Variants in TLR2 observed in about 807,000 individuals in gnomAD.
The protein encoded by TLR2 is toll like receptor 2.
A neutral mutation model predicts 9.1 loss-of-function variants in TLR2; 7 were observed. The observed-to-expected ratio is 0.77, with a 90% CI of 0.44 to 1.44. The LOEUF is 1.44. Among genes scored for constraint, TLR2 ranks in the 40% most tolerant of loss-of-function variants. The pLI, the probability that TLR2 is intolerant of heterozygous loss-of-function variation, is 0.01. For synonymous variants in TLR2, 317 were observed against 344.6 expected, an observed-to-expected ratio of 0.92 and a Z score of 0.89; for missense variants, 812 against 904.6, an observed-to-expected ratio of 0.90 and a Z score of 1.31.
intron 2 of TLR2, among the ~76,000 whole-genome samples, chr4:153,697,692 C>A (rs1244889773): frequency 6.6e-6 from 1 of 151,998 alleles, no homozygotes; most frequent in Non-Finnish European, 1.5e-5. Context: ...GTTTTCTCTC[C>A]TGATAAAAAA....
At position 153,702,957 on chromosome 4, in the gene TLR2, T is replaced by C; in HGVS notation, c.50T>C (p.Leu17Pro). 6.2e-7 allele frequency: 1 copy of C among 1,613,354 alleles called. No homozygotes were observed. Among genetic ancestry groups the C allele is most frequent in the South Asian group, 1.1e-5 (1 of 90,930 alleles). The change falls in exon 3 of 3, where the codon CTC becomes CCC. Residue 17 changes from leucine to proline, a missense_variant. Coordinates refer to ENST00000642700, the MANE Select transcript of TLR2 (RefSeq NM_001318789.2). ...TGGGTCTTGGGGGTCATCATCAGCCTCTCCAAGGAAGAATCCTCCAATCAG... is the reference window on the plus strand; with the variant it reads ...TGGGTCTTGGGGGTCATCATCAGCCCCTCCAAGGAAGAATCCTCCAATCAG... ...MVWVLGVIIS[L>P]SKEESSNQAS...
chr4:153,690,234 A>G (rs1736015057), intron 2 of TLR2, among the ~76,000 whole-genome samples: 1 of 152,220 alleles, frequency 6.6e-6, no homozygotes, highest in South Asian at 2.1e-4. Context: ...AAAAATTTAA[A>G]GTCATTAATG....
Position 153,704,442 on chromosome 4 carries a change from C to G in TLR2, c.1535C>G (p.Thr512Ser), listed in dbSNP as rs757073562. ...LVLKISRNAI[T>S]TFSKEQLDSF... ...TTGAAAATCAGTAGGAATGCAATAACTACGTTTTCTAAGGAGCAACTTGAC... is the reference window on the plus strand; with the variant it reads ...TTGAAAATCAGTAGGAATGCAATAAGTACGTTTTCTAAGGAGCAACTTGAC... The change falls in exon 3 of 3, where the codon ACT becomes AGT. Residue 512 changes from threonine (T) to serine (S), a missense_variant. Thr to Ser is a moderately conservative substitution (Grantham distance 58, BLOSUM62 1). Transcript: ENST00000642700. 1.9e-6 allele frequency: 3 copies of G among 1,614,160 alleles called. No individual in the cohort carries two copies. Among genetic ancestry groups the G allele is most frequent in the Non-Finnish European group, 1.7e-6 (2 of 1,180,032 alleles).
At position 153,703,850 on chromosome 4, in the gene TLR2, C is replaced by G. The variant is rs373862755; in HGVS notation, c.943C>G (p.Arg315Gly). The G allele has an allele frequency of 1.2e-5, 20 of 1,613,954 alleles. No homozygotes were observed. The highest frequency in any genetic ancestry group is 1.6e-5 in the Non-Finnish European group (19 of 1,179,950). The change falls in exon 3 of 3, where the codon CGG becomes GGG. Residue 315 changes from arginine to glycine, a missense_variant. Coordinates refer to ENST00000642700, the MANE Select transcript of TLR2 (RefSeq NM_001318789.2). ...AGGTAAAGTGGAAACGTTAACAATC[C>G]GGAGGCTGCATATTCCAAGGTTTTA... is the stretch of plus-strand genomic sequence containing the variant. ...DPGKVETLTI[R>G]RLHIPRFYLF... is the part of the protein sequence containing the mutation.
At chr4:153,707,056 C>G (rs1423065633), downstream of TLR2, among the ~76,000 whole-genome samples, 1 of 152,120 alleles carries the variant, frequency 6.6e-6, no homozygotes, top group Admixed American at 6.5e-5. Flanking sequence ...GAAGATATTT[C>G]ATTCCCTTAT....
downstream of TLR2, among the ~76,000 whole-genome samples, chr4:153,707,982 A>C (rs1347159933): frequency 6.6e-6 from 1 of 152,212 alleles, no homozygotes; most frequent in East Asian, 1.9e-4. Flanking sequence ...TTTACCAGCT[A>C]TCCAGGCATC....
intron 2 of TLR2, among the ~76,000 whole-genome samples, chr4:153,697,665 A>C (rs967547284): frequency 7.9e-5 from 12 of 152,168 alleles, no homozygotes. Flanking sequence ...GGCTTCTGGA[A>C]TATCTCAAAA....
downstream of TLR2, among the ~76,000 whole-genome samples, chr4:153,707,042 C>G (rs1424109631): frequency 6.6e-6 from 1 of 151,968 alleles, no homozygotes; most frequent in Non-Finnish European, 1.5e-5. Context: ...TTATTATTTT[C>G]CAAGAAGATA....
At chr4:153,707,032 T>C (rs1464880614), downstream of TLR2, among the ~76,000 whole-genome samples, 3 of 152,142 alleles carry the variant, frequency 2.0e-5, no homozygotes, top group Non-Finnish European at 4.4e-5. Context: ...TTAGCTATTA[T>C]TATTATTTTC....
In TLR2 at chr4:153,703,055, C is replaced by A. The variant is rs1386809813; in HGVS notation, c.148C>A (p.Leu50Ile). ...ATCTTTAAACTCCATTCCCTCAGGG[C>A]TCACAGAAGCTGTAAAAAGCCTTGA... Reference protein sequence around the residue: ...SGSLNSIPSGLTEAVKSLDLS... With the variant: ...SGSLNSIPSGITEAVKSLDLS... Residue 50 changes from leucine to isoleucine, a missense_variant, in exon 3 of 3, where the codon CTC becomes ATC. By Grantham distance (5) the Leu-to-Ile change is conservative (BLOSUM62 2). Transcript: ENST00000642700. 1 of 1,613,932 alleles carries A rather than the reference C, an allele frequency of 6.2e-7. No individual in the cohort carries two copies. Among genetic ancestry groups the A allele is most frequent in the Non-Finnish European group, 8.5e-7 (1 of 1,180,022 alleles).
intron 2 of TLR2, among the ~76,000 whole-genome samples, chr4:153,695,358 A>C (rs913878569): frequency 6.6e-6 from 1 of 152,194 alleles, no homozygotes; most frequent in Non-Finnish European, 1.5e-5. Context: ...CTTTTGGATA[A>C]AAGCCATTTT....
At position 153,703,994 on chromosome 4, in the gene TLR2, G is replaced by T; in HGVS notation, c.1087G>T (p.Glu363Ter). The change falls in exon 3 of 3, where the codon GAA (glutamate) becomes TAA (stop). Residue 363 changes from glutamate to a stop codon, truncating the protein, a stop_gained. Coordinates refer to ENST00000642700, the MANE Select transcript of TLR2 (RefSeq NM_001318789.2). LOFTEE classifies it low-confidence loss of function (END_TRUNC). The stretch of plus-strand genomic sequence containing the variant: ...ACTTTCACAACATTTAAAATCATTA[G>T]AATACTTGGATCTCAGTGAAAATTT... ...CLLSQHLKSL[E>*]YLDLSENLMV... The T allele has an allele frequency of 6.2e-7, 1 of 1,613,668 alleles. No individual in the cohort carries two copies. The highest frequency in any genetic ancestry group is 2.2e-5 in the East Asian group (1 of 44,866).
Position 153,703,531 on chromosome 4 carries a change from G to T in TLR2, c.624G>T (p.Lys208Asn). ...QNVSHLILHM[K>N]QHILLLEIFV... is the part of the protein sequence containing the mutation. ...TAAGTCATCTGATCCTTCATATGAA[G>T]CAGCATATTTTACTGCTGGAGATTT... Residue 208 changes from lysine to asparagine, a missense_variant, in exon 3 of 3, where the codon AAG (lysine) becomes AAT (asparagine). Transcript: ENST00000642700. 2 of 1,614,090 alleles carry T rather than the reference G, an allele frequency of 1.2e-6. No individual in the cohort carries two copies. Among genetic ancestry groups the T allele is most frequent in the Non-Finnish European group, 1.7e-6 (2 of 1,180,016 alleles).
In TLR2 at chr4:153,705,324, A is replaced by C. The variant is rs966167519; in HGVS notation, c.*62A>C. 31 of 1,459,714 alleles carry C rather than the reference A, an allele frequency of 2.1e-5. No individual in the cohort carries two copies. In the Admixed American group the frequency reaches 6.9e-4, roughly 32 times the overall value. The allele number at this position is 1,459,714 out of a possible 1,614,324, so 90.4% of individuals were successfully genotyped here. ...ATCTTTATGTCACTAGTTATAGTTA[A>C]GTTCATTCAGACATAATTATATAAA... On this transcript the variant is annotated 3_prime_UTR_variant, in exon 3 of 3. Coordinates refer to ENST00000642700, the MANE Select transcript of TLR2 (RefSeq NM_001318789.2).
intron 2 of TLR2, chr4:153,701,508 A>C (rs1161327519): frequency 6.6e-6 from 1 of 152,200 alleles, no homozygotes; most frequent in Admixed American, 6.5e-5. Flanking sequence ...AGAAGCACTA[A>C]TGGACTAAGA....
intron 2 of TLR2, chr4:153,701,400 C>G (rs1736877754): frequency 6.6e-6 from 1 of 152,368 alleles, no homozygotes; most frequent in Admixed American, 6.5e-5. Flanking sequence ...CACCAGACAA[C>G]AGTGCACATG....
chr4:153,684,359 A>AG lies in TLR2; in HGVS notation c.-163+1dup, dbSNP rs1485168100. 6.6e-6 allele frequency: 1 copy of AG among 152,296 alleles called. No individual in the cohort carries two copies. The highest frequency in any genetic ancestry group is 1.5e-5 in the Non-Finnish European group (1 of 68,100). The allele number at this position is 152,296 out of a possible 1,614,324, so 9.4% of individuals were successfully genotyped here. A position where few individuals can be genotyped will look rare whatever the true frequency, so the allele number is the denominator to read the frequency against. ...TCAGGTGACTGCTCGGAGTTCTCCC[A>AG]GGTACGTCGTGCGCTCCCCACTCGT... is the stretch of plus-strand genomic sequence containing the variant. On this transcript the variant is annotated splice_region_variant and 5_prime_UTR_variant, in exon 1 of 3. Coordinates refer to ENST00000642700, the MANE Select transcript of TLR2 (RefSeq NM_001318789.2).
chr4:153,709,163 AC>A (rs1377298218), downstream of TLR2, among the ~76,000 whole-genome samples: 1 of 152,234 alleles, frequency 6.6e-6, no homozygotes, highest in East Asian at 1.9e-4. Context: ...TTTCAATAAT[AC>A]TGAAGCATTG....
In TLR2 at chr4:153,702,941, G is replaced by A. The variant is rs773946331; in HGVS notation, c.34G>A (p.Gly12Arg). The change falls in exon 3 of 3, where the codon GGG becomes AGG. Residue 12 changes from glycine (G) to arginine (R), a missense_variant. Transcript: ENST00000642700. ...TACTTTGTGGATGGTGTGGGTCTTGGGGGTCATCATCAGCCTCTCCAAGGA... is the reference window on the plus strand; with the variant it reads ...TACTTTGTGGATGGTGTGGGTCTTGAGGGTCATCATCAGCCTCTCCAAGGA... ...PHTLWMVWVL[G>R]VIISLSKEES... 1.5e-5 allele frequency: 25 copies of A among 1,613,704 alleles called. No homozygotes were observed. In the East Asian group the frequency reaches 2.0e-4, roughly 13 times the overall value.
Sources: gnomAD v4.1 joint callset for allele counts (sites outside exome capture counted in the v4.1 genomes callset) on GRCh38, gnomAD v4.1.1 for gene constraint, MANE v1.5 for transcripts, NCBI Gene and HGNC (gene_info 2026-07-23, HGNC 2026-07-21) for gene names.